The following PCDHA10 variants were observed in gnomAD, a reference collection of about 807,000 sequenced individuals.
PCDHA10 encodes the protein protocadherin alpha 10, also known as protocadherin alpha-10.
A neutral mutation model predicts 61.2 loss-of-function variants in PCDHA10; 45 were observed. The ratio of observed to expected loss-of-function variants is 0.74; its 90% CI spans 0.58 to 0.94. The LOEUF (loss-of-function observed/expected upper bound fraction) is 0.94. PCDHA10 is among the 40% of genes least tolerant of loss of function. PCDHA10 has a pLI of 0.00. For missense variants in PCDHA10, 1,278 were observed against 1,236.2 expected (o/e 1.03, Z -0.51); for synonymous variants, 602 against 548.8 (o/e 1.10, Z -1.35).
At chr5:140,862,839 G>A in intron 1 of PCDHA10, 1 of 574,670 alleles carries the variant, frequency 1.7e-6, no homozygotes, top group Non-Finnish European at 3.3e-6. Flanking sequence ...ACGCGGGCAT[G>A]CCGCCTCTGA....
At chr5:140,883,760 C>T (rs199864330) in intron 1 of PCDHA10, 18 of 1,612,790 alleles carry the variant, frequency 1.1e-5, no homozygotes, top group Non-Finnish European at 1.4e-5. Context: ...GGTGGAGCGG[C>T]GGGTGGGCGA....
chr5:140,857,508 C>T lies in PCDHA10; in HGVS notation c.1460C>T (p.Ala487Val). 3 of 1,598,226 alleles carry T rather than the reference C, an allele frequency of 1.9e-6. No individual in the cohort carries two copies. Among genetic ancestry groups the T allele is most frequent in the Non-Finnish European group, 2.6e-6 (3 of 1,167,846 alleles). ...TGGGACGCGGACGCGCAGGAGAACG[C>T]CCTGGTGTCCTACTCTCTGGTGGAG... Reference protein sequence around the residue: ...SAWDADAQENALVSYSLVERR... With the variant: ...SAWDADAQENVLVSYSLVERR... Residue 487 changes from alanine to valine, a missense_variant, in exon 1 of 4, where the codon GCC becomes GTC. Ala to Val is a moderately conservative substitution (Grantham distance 64, BLOSUM62 0). Coordinates refer to ENST00000307360, the MANE Select transcript of PCDHA10 (RefSeq NM_018901.4).
At chr5:140,914,439 T>A (rs1352001626) in intron 1 of PCDHA10, among the ~76,000 whole-genome samples, 2 of 152,310 alleles carry the variant, frequency 1.3e-5, no homozygotes, top group South Asian at 2.1e-4. Context: ...TCTTTTCCCA[T>A]GTCTTTATTT....
intron 1 of PCDHA10, chr5:140,871,710 C>A: frequency 3.6e-6 from 3 of 826,484 alleles, no homozygotes; most frequent in South Asian, 4.5e-5. Flanking sequence ...AATAAATGTC[C>A]TATTTCTCTT....
rs75101825 is a variant in PCDHA10, at chr5:140,914,430, C to A, written c.2388+55994C>A. On this transcript the variant is annotated intron_variant, in intron 1 of 3. Coordinates refer to ENST00000307360, the MANE Select transcript of PCDHA10 (RefSeq NM_018901.4). ...TTTTGTTTCCATTAGCAAGGAATAT[C>A]TTTTCCCATGTCTTTATTTTCCAGT... Among the ~76,000 whole-genome samples the A allele has an allele frequency of 8.0e-3, 1,215 of 152,204 alleles. 6 individuals carry two copies. Among genetic ancestry groups the A allele is most frequent in the African/African-American group, 0.019 (784 of 41,536 alleles).
At chr5:140,998,415 C>T (rs1554256243) in intron 3 of PCDHA10, among the ~76,000 whole-genome samples, 1 of 152,158 alleles carries the variant, frequency 6.6e-6, no homozygotes, top group African/African-American at 2.4e-5. Context: ...GTTTATCTAC[C>T]TGGTTTATCC....
At chr5:140,985,579 C>T (rs2097158687) in intron 3 of PCDHA10, among the ~76,000 whole-genome samples, 1 of 152,084 alleles carries the variant, frequency 6.6e-6, no homozygotes, top group African/African-American at 2.4e-5. Context: ...GTGCCTAAGC[C>T]TCCTTATACT....
rs529585383 is a variant in PCDHA10 at position 140,982,571 on chromosome 5, G to T, written c.2536+8G>T. 243 of 1,613,888 alleles carry T rather than the reference G, an allele frequency of 1.5e-4. 4 individuals carry two copies. The South Asian group carries it at 2.5e-3, about 17-fold the overall frequency. ...TATCCAGTGCAACACCAGGTAAAGAGCTGGGGTCTCTCCATTCTTTCTTGG... is the reference window on the plus strand; with the variant it reads ...TATCCAGTGCAACACCAGGTAAAGATCTGGGGTCTCTCCATTCTTTCTTGG... On this transcript the variant is annotated splice_region_variant and intron_variant, in intron 3 of 3. Transcript: ENST00000307360.
chr5:140,950,107 A>G (rs1196740444), intron 1 of PCDHA10, among the ~76,000 whole-genome samples: 1 of 151,920 alleles, frequency 6.6e-6, no homozygotes, highest in Non-Finnish European at 1.5e-5. Context: ...ATTAAATCTC[A>G]TACAATACAA....
chr5:140,860,055 A>G (rs1466399941), intron 1 of PCDHA10: 6 of 151,228 alleles, frequency 4.0e-5, no homozygotes, highest in African/African-American at 1.2e-4. Context: ...TTGAGAGGCC[A>G]AGGTGGGAGG....
At chr5:140,915,189 C>T (rs782151020) in intron 1 of PCDHA10, among the ~76,000 whole-genome samples, 21 of 152,010 alleles carry the variant, frequency 1.4e-4, no homozygotes, top group African/African-American at 4.1e-4. Context: ...CCTAGTGATC[C>T]GCCCATCTTG....
intron 1 of PCDHA10, chr5:140,882,620 C>T: frequency 6.2e-7 from 1 of 1,614,220 alleles, no homozygotes; most frequent in Non-Finnish European, 8.5e-7. Flanking sequence ...GCAGGTTTTC[C>T]ATGTGGAGGT....
intron 3 of PCDHA10, among the ~76,000 whole-genome samples, chr5:141,004,974 G>T (rs557503446): frequency 6.6e-6 from 1 of 152,302 alleles, no homozygotes; most frequent in South Asian, 2.1e-4. Context: ...CTGTAAATTT[G>T]CAGTATCATT....
In PCDHA10 at chr5:140,856,229, C is replaced by T. The variant is rs17844338; in HGVS notation, c.181C>T (p.Arg61Cys). Residue 61 changes from arginine to cysteine, a missense_variant, in exon 1 of 4, where the codon CGC becomes TGC. Transcript: ENST00000307360. ...LGLELAELVQ[R>C]LFRVASKRHG... ...GCTGGAGCTGGCGGAGCTGGTGCAG[C>T]GCCTGTTCCGGGTGGCGTCCAAAAG... 5 of 1,597,818 alleles carry T rather than the reference C, an allele frequency of 3.1e-6. No homozygotes were observed. The South Asian group carries it at 4.4e-5, about 14-fold the overall frequency.
chr5:140,879,761 G>A (rs2058106657), intron 1 of PCDHA10, among the ~76,000 whole-genome samples: 1 of 152,152 alleles, frequency 6.6e-6, no homozygotes, highest in South Asian at 2.1e-4. Flanking sequence ...TACTCTCTTT[G>A]GAGGCCCCAG....
chr5:140,891,820 G>T (rs1341896388), intron 1 of PCDHA10, among the ~76,000 whole-genome samples: 3 of 152,102 alleles, frequency 2.0e-5, no homozygotes, highest in African/African-American at 7.2e-5. Context: ...TAAATTAACG[G>T]CACTGTAAAA....
At chr5:140,901,006 C>T (rs2068410974) in intron 1 of PCDHA10, among the ~76,000 whole-genome samples, 2 of 152,070 alleles carry the variant, frequency 1.3e-5, no homozygotes, top group African/African-American at 4.8e-5. Flanking sequence ...AGTATGTCTT[C>T]TTTTGAGAAA....
At chr5:140,907,391 A>G (rs1455875344) in intron 1 of PCDHA10, among the ~76,000 whole-genome samples, 2 of 152,214 alleles carry the variant, frequency 1.3e-5, no homozygotes, top group African/African-American at 2.4e-5. Context: ...GGTCAAAGGC[A>G]ATGCTGTGTG....
At chr5:140,896,191 C>T (rs987655303) in intron 1 of PCDHA10, among the ~76,000 whole-genome samples, 1 of 152,184 alleles carries the variant, frequency 6.6e-6, no homozygotes, top group African/African-American at 2.4e-5. Flanking sequence ...GTGAATAGTG[C>T]CATGATGAAC....
Sources: gnomAD v4.1 joint callset for allele counts (sites outside exome capture counted in the v4.1 genomes callset) on GRCh38, gnomAD v4.1.1 for gene constraint, MANE v1.5 for transcripts, NCBI Gene and HGNC (gene_info 2026-07-23, HGNC 2026-07-21) for gene names.